Variants in TMEM181 observed in about 807,000 individuals in gnomAD.
TMEM181 encodes G protein-coupled receptor 178.
A neutral mutation model predicts 71.9 loss-of-function variants in TMEM181; 39 were observed. That is an observed-to-expected ratio of 0.54 (90% CI 0.42 to 0.71). The LOEUF (loss-of-function observed/expected upper bound fraction) is 0.71, where lower values mean the gene tolerates loss of function less well. Among genes scored for constraint, TMEM181 ranks in the 30% least tolerant of loss-of-function variants. The pLI is 0.00. For missense variants in TMEM181, 595 were observed against 583.0 expected, an observed-to-expected ratio of 1.02 and a Z score of -0.21; for synonymous variants, 245 against 228.8, an observed-to-expected ratio of 1.07 and a Z score of -0.64.
chr6:158,559,993 C>T (rs979442916), upstream of TMEM181: 7 of 957,078 alleles, frequency 7.3e-6, no homozygotes, highest in African/African-American at 1.8e-5. Flanking sequence ...AGGGCCACCC[C>T]CCTCGCCGCG....
chr6:158,539,631 G>A (rs1438422510), intron 1 of TMEM181, among the ~76,000 whole-genome samples: 1 of 152,260 alleles, frequency 6.6e-6, no homozygotes, highest in Non-Finnish European at 1.5e-5. Context: ...TGGCCCCTCT[G>A]TTCAGCAGCA....
chr6:158,592,363 G>A (rs1784153798), intron 6 of TMEM181, among the ~76,000 whole-genome samples: 1 of 152,118 alleles, frequency 6.6e-6, no homozygotes, highest in Non-Finnish European at 1.5e-5. Context: ...TCATAGATTG[G>A]GCCGGGGGCA....
intron 1 of TMEM181, among the ~76,000 whole-genome samples, chr6:158,539,122 G>A (rs1440623120): frequency 2.6e-5 from 4 of 152,214 alleles, no homozygotes; most frequent in Non-Finnish European, 5.9e-5. Flanking sequence ...CACTTCCTTA[G>A]TTGAGTTGGA....
chr6:158,617,579 A>G (rs923803563), intron 10 of TMEM181, among the ~76,000 whole-genome samples: 11 of 152,232 alleles, frequency 7.2e-5, no homozygotes, highest in African/African-American at 2.2e-4. Context: ...TAGGGTGTCA[A>G]TTTTAGATCT....
chr6:158,595,713 A>G (rs1784351313), intron 6 of TMEM181, among the ~76,000 whole-genome samples: 1 of 152,178 alleles, frequency 6.6e-6, no homozygotes, highest in Admixed American at 6.5e-5. Context: ...ATTTATATAA[A>G]TTACAAAGAC....
Position 158,618,172 on chromosome 6 carries a change from T to C in TMEM181, c.897-5378T>C, listed in dbSNP as rs1467672992. Among the ~76,000 whole-genome samples, 3 of 152,356 alleles carry C rather than the reference T, an allele frequency of 2.0e-5. No individual in the cohort carries two copies. The South Asian group carries it at 6.2e-4, about 32-fold the overall frequency. ...TGAATCTGGTTGCTCCTGTATTGGG[T>C]GCATATATATTTAGGATAGTTAGCT... On this transcript the variant is annotated intron_variant, in intron 10 of 16. Coordinates refer to ENST00000684151, the MANE Select transcript of TMEM181 (RefSeq NM_001376852.1).
Position 158,601,560 on chromosome 6 carries a change from A to G in TMEM181, c.493-3707A>G, listed in dbSNP as rs559567724. Reference sequence around the variant, plus strand: ...TGGATCACAAGGTCAGGAGTTCAAGACCAGCCTGGCCAATATGATGAAGCC... The same window carrying G: ...TGGATCACAAGGTCAGGAGTTCAAGGCCAGCCTGGCCAATATGATGAAGCC... On this transcript the variant is annotated intron_variant, in intron 6 of 16. Transcript: ENST00000684151. Among the ~76,000 whole-genome samples the G allele has an allele frequency of 2.0e-5, 3 of 152,212 alleles. No individual in the cohort carries two copies. In the South Asian group the frequency reaches 6.2e-4, roughly 32 times the overall value.
At chr6:158,607,138 G>T in intron 7 of TMEM181, 106 bp from the exon 8 acceptor site, 1 of 876,932 alleles carries the variant, frequency 1.1e-6, no homozygotes, top group Non-Finnish European at 1.9e-6. Context: ...GGGGCACCTA[G>T]ACCATTGATT....
In TMEM181 at chr6:158,633,691, T is replaced by G. The variant is rs1786784364; in HGVS notation, c.*1803T>G. On this transcript the variant is annotated 3_prime_UTR_variant, in exon 17 of 17. Coordinates refer to ENST00000684151, the MANE Select transcript of TMEM181 (RefSeq NM_001376852.1). ...TTTAAACTTTAATGATAATGTACTT[T>G]TAATATGGATTCTATTCACATTTGT... The G allele has an allele frequency of 6.6e-6, 1 of 152,218 alleles. No individual in the cohort carries two copies. The highest frequency in any genetic ancestry group is 2.4e-5 in the African/African-American group (1 of 41,454). 9.4% of individuals were successfully genotyped at this position (152,218 alleles called of 1,614,324 possible). A position where few individuals can be genotyped will look rare whatever the true frequency, so the allele number is the denominator to read the frequency against.
chr6:158,550,560 G>A (rs1245165413), intron 1 of TMEM181, among the ~76,000 whole-genome samples: 8 of 151,826 alleles, frequency 5.3e-5, no homozygotes, highest in Non-Finnish European at 1.2e-4. Context: ...GGAGGCTGAG[G>A]CAAGATAATT....
intron 10 of TMEM181, among the ~76,000 whole-genome samples, chr6:158,619,454 C>T (rs1033955203): frequency 2.0e-5 from 3 of 152,138 alleles, no homozygotes; most frequent in Non-Finnish European, 2.9e-5. Context: ...TCCTTTAGCT[C>T]GGAGAAGTTG....
intron 10 of TMEM181, chr6:158,610,115 C>T (rs1295178825): frequency 1.8e-5 from 4 of 221,212 alleles, no homozygotes; most frequent in Admixed American, 1.6e-4. Flanking sequence ...CAAAGCTTCT[C>T]TAGAGACGCA....
intron 1 of TMEM181, among the ~76,000 whole-genome samples, chr6:158,571,978 G>C (rs938666055): frequency 1.3e-5 from 2 of 152,218 alleles, no homozygotes; most frequent in African/African-American, 4.8e-5. Context: ...CAGCTCTCTT[G>C]TCTCATGTTT....
intron 1 of TMEM181, among the ~76,000 whole-genome samples, chr6:158,548,225 C>T (rs1781600987): frequency 6.6e-6 from 1 of 152,188 alleles, no homozygotes; most frequent in Admixed American, 6.5e-5. Context: ...GGCCCACGTG[C>T]ACCCTCTGAA....
At position 158,625,776 on chromosome 6, in the gene TMEM181, A is replaced by G. The variant is rs769580975; in HGVS notation, c.1109+22A>G. 6.3e-6 allele frequency: 10 copies of G among 1,597,700 alleles called. No homozygotes were observed. In the South Asian group the frequency reaches 1.1e-4, roughly 18 times the overall value. On this transcript the variant is annotated intron_variant, in intron 13 of 16. Coordinates refer to ENST00000684151, the MANE Select transcript of TMEM181 (RefSeq NM_001376852.1). ...TTAGGTAAGAAGACCTTATTTCTTGAAAACAGCAAAACGGAATTTTTCTTT... is the reference window on the plus strand; with the variant it reads ...TTAGGTAAGAAGACCTTATTTCTTGGAAACAGCAAAACGGAATTTTTCTTT...
chr6:158,607,132 C>T (rs369874706), intron 7 of TMEM181, 112 bp from the exon 8 acceptor site: 3 of 814,320 alleles, frequency 3.7e-6, no homozygotes, highest in East Asian at 5.0e-5. Flanking sequence ...CTTAGTGGGG[C>T]ACCTAGACCA....
intron 1 of TMEM181, among the ~76,000 whole-genome samples, chr6:158,562,142 C>T (rs1782216006): frequency 6.6e-6 from 1 of 152,154 alleles, no homozygotes; most frequent in East Asian, 1.9e-4. Context: ...GCCTTATGAC[C>T]TCTGACTCTC....
intron 2 of TMEM181, 43 bp downstream of exon 2, chr6:158,573,566 G>T: frequency 6.6e-7 from 1 of 1,511,598 alleles, no homozygotes. Context: ...GCCATGCGCG[G>T]TGGCCCTGGC....
rs530154982 is a variant in TMEM181, at chr6:158,635,028, GAAAA to G, written c.*3150_*3153del. On this transcript the variant is annotated 3_prime_UTR_variant, in exon 17 of 17. Coordinates refer to ENST00000684151, the MANE Select transcript of TMEM181 (RefSeq NM_001376852.1). ...TTGCCTTAGAGGTTAGACTTTTGAA[GAAAA>G]AAAAAAAAAGATACAGATCTTTTCC... 7.2e-6 allele frequency: 1 copy of G among 139,202 alleles called. No homozygotes were observed. The highest frequency in any genetic ancestry group is 1.6e-5 in the Non-Finnish European group (1 of 63,730). 8.6% of individuals were successfully genotyped at this position (139,202 alleles called of 1,614,324 possible).
Sources: allele counts gnomAD v4.1 joint callset (sites outside exome capture counted in the v4.1 genomes callset), GRCh38; gene constraint gnomAD v4.1.1; transcripts MANE v1.5; gene names NCBI Gene and HGNC (gene_info 2026-07-23, HGNC 2026-07-21).